ADAM2: variants seen among roughly 807,000 people sequenced by gnomAD.
ADAM2 encodes the protein ADAM metallopeptidase domain 2.
In ADAM2, 101 loss-of-function variants were observed where a neutral mutation model predicts 99.3. The ratio of observed to expected loss-of-function variants is 1.02; its 90% CI spans 0.87 to 1.20. The LOEUF is 1.20. ADAM2 is among the 50% of genes most tolerant of loss of function. ADAM2 has a pLI of 0.00. For synonymous variants in ADAM2, 323 were observed against 287.6 expected (o/e 1.12, Z -1.25); for missense variants, 948 against 878.7 (o/e 1.08, Z -1.00).
At chr8:39,769,610 G>T (rs1177130172) in intron 11 of ADAM2, 35 bp from the exon 12 acceptor site, 5 of 1,497,384 alleles carry the variant, frequency 3.3e-6, no homozygotes, top group Non-Finnish European at 3.7e-6. Context: ...TTTAATGTAA[G>T]GGTTTCCATA....
chr8:39,825,311 T>C (rs1459422595), intron 3 of ADAM2, among the ~76,000 whole-genome samples: 1 of 152,210 alleles, frequency 6.6e-6, no homozygotes, highest in East Asian at 1.9e-4. Context: ...TAAACCATAC[T>C]CTAAATTTGC....
At chr8:39,788,550 A>T in intron 8 of ADAM2, 119 bp downstream of exon 8, 2 of 682,064 alleles carry the variant, frequency 2.9e-6, no homozygotes, top group Non-Finnish European at 4.6e-6. Context: ...TAAAATTTAA[A>T]ATAAAACTTA....
At chr8:39,774,104 A>T (rs1266439092) in intron 11 of ADAM2, among the ~76,000 whole-genome samples, 1 of 152,000 alleles carries the variant, frequency 6.6e-6, no homozygotes. Context: ...ACACATGAGC[A>T]TCTCAATATT....
chr8:39,744,965 A>G (rs1465713018), intron 19 of ADAM2, 72 bp from the exon 20 acceptor site: 2 of 1,263,814 alleles, frequency 1.6e-6, no homozygotes, highest in Non-Finnish European at 2.2e-6. Context: ...ATTATCTGTC[A>G]GTCTTGAAAC....
chr8:39,752,371 G>A (rs1801983406), intron 16 of ADAM2, among the ~76,000 whole-genome samples: 1 of 152,194 alleles, frequency 6.6e-6, no homozygotes, highest in South Asian at 2.1e-4. Context: ...ACAGCAACCA[G>A]TAAAATACTG....
chr8:39,750,901 T>C (rs989872931), intron 16 of ADAM2, among the ~76,000 whole-genome samples: 1 of 152,208 alleles, frequency 6.6e-6, no homozygotes, highest in Non-Finnish European at 1.5e-5. Flanking sequence ...TCAAAGCGAC[T>C]AATGGTAAGC....
chr8:39,748,559 T>G (rs1349647190), intron 18 of ADAM2, among the ~76,000 whole-genome samples: 1 of 152,184 alleles, frequency 6.6e-6, no homozygotes, highest in Admixed American at 6.5e-5. Context: ...ATTTAGATTT[T>G]TATATCAAAG....
intron 5 of ADAM2, 127 bp from the exon 6 acceptor site, chr8:39,821,297 AG>A (rs1166842903): frequency 1.4e-6 from 1 of 708,570 alleles, no homozygotes; most frequent in African/African-American, 1.8e-5. Flanking sequence ...GTGATAAAAT[AG>A]GAGAAAGTTA....
chr8:39,785,165 G>T (rs192150609), intron 10 of ADAM2, among the ~76,000 whole-genome samples: 6 of 152,288 alleles, frequency 3.9e-5, no homozygotes, highest in Admixed American at 2.0e-4. Flanking sequence ...TCTTCTTCTA[G>T]AACCCCTTAT....
intron 6 of ADAM2, among the ~76,000 whole-genome samples, chr8:39,819,085 A>G (rs549875662): frequency 6.6e-6 from 1 of 152,190 alleles, no homozygotes; most frequent in African/African-American, 2.4e-5. Context: ...ATAATCTTGG[A>G]AAATAAGAAT....
At chr8:39,799,981 T>C (rs1804134126) in intron 7 of ADAM2, among the ~76,000 whole-genome samples, 1 of 152,242 alleles carries the variant, frequency 6.6e-6, no homozygotes, top group Admixed American at 6.5e-5. Flanking sequence ...CCTTATCCAA[T>C]TTGCCAGCTT....
intron 12 of ADAM2, among the ~76,000 whole-genome samples, chr8:39,768,601 A>G (rs746103866): frequency 2.0e-5 from 3 of 152,154 alleles, no homozygotes; most frequent in Non-Finnish European, 2.9e-5. Context: ...TGTACTCCCT[A>G]GGTTTTCTGG....
At chr8:39,822,715 A>T (rs2129588303) in intron 4 of ADAM2, among the ~76,000 whole-genome samples, 1 of 150,882 alleles carries the variant, frequency 6.6e-6, no homozygotes, top group East Asian at 1.9e-4. Context: ...TCCGTCAATT[A>T]TGCCTTCCAT....
At chr8:39,798,513 GTCTCT>G (rs1462969048) in intron 7 of ADAM2, among the ~76,000 whole-genome samples, 2 of 152,032 alleles carry the variant, frequency 1.3e-5, no homozygotes, top group Non-Finnish European at 2.9e-5. Context: ...TTTTTGTTGT[GTCTCT>G]TCCTGGTTTT....
rs573205831 is a variant in ADAM2, at chr8:39,786,954, T to C, written c.891+20A>G. ...ATACTAATTTATGTAGCATACTTTC[T>C]ATACATAACCATACCATACCAGAAC... On this transcript the variant is annotated intron_variant, in intron 10 of 20. Coordinates refer to ENST00000265708, the MANE Select transcript of ADAM2 (RefSeq NM_001464.5). 18 of 1,528,130 alleles carry C rather than the reference T, an allele frequency of 1.2e-5. No individual in the cohort carries two copies. In the African/African-American group the frequency reaches 1.8e-4, roughly 15 times the overall value. 94.7% of individuals were successfully genotyped at this position (1,528,130 alleles called of 1,614,324 possible).
chr8:39,760,952 G>A (rs910002000), intron 15 of ADAM2, among the ~76,000 whole-genome samples: 4 of 149,824 alleles, frequency 2.7e-5, no homozygotes, highest in Non-Finnish European at 5.9e-5. Flanking sequence ...TTACTGATGG[G>A]TAATTAATGT....
At position 39,788,133 on chromosome 8, in the gene ADAM2, T is replaced by C; in HGVS notation, c.761A>G (p.Lys254Arg). 2.5e-6 allele frequency: 4 copies of C among 1,579,034 alleles called. No individual in the cohort carries two copies. The highest frequency in any genetic ancestry group is 3.4e-6 in the Non-Finnish European group (4 of 1,164,306). The change falls in exon 9 of 21, where the codon AAA (lysine) becomes AGA (arginine). Residue 254 changes from lysine to arginine, a missense_variant. Transcript: ENST00000265708. Reference protein sequence around the residue: ...NELLHTFLRWKTSYLVLRPHD... With the variant: ...NELLHTFLRWRTSYLVLRPHD... ...AGGACGTAAAACAAGATAAGATGTT[T>C]TCCATCTTAAAAATGTGTGTAATAA...
chr8:39,834,732 CAAAAAAAAAAAA>C (rs79431764), intron 2 of ADAM2, among the ~76,000 whole-genome samples: 1 of 52,962 alleles, frequency 1.9e-5, no homozygotes, highest in Non-Finnish European at 3.3e-5. Flanking sequence ...AAGACTCCAT[CAAAAAAAAAAAA>C]AAAAAAAAAA....
At position 39,787,697 on chromosome 8, in the gene ADAM2, G is replaced by A. The variant is rs149748082; in HGVS notation, c.809+388C>T. On this transcript the variant is annotated intron_variant, in intron 9 of 20. Transcript: ENST00000265708. The stretch of plus-strand genomic sequence containing the variant: ...GATATATTAGAGATATTAAAACATA[G>A]TGTTTCAATTACTTTGCTTACTTTT... 8.6e-5 allele frequency among the ~76,000 whole-genome samples: 13 copies of A among 151,648 alleles called. 1 individual carries two copies. The highest frequency in any genetic ancestry group is 3.1e-4 in the African/African-American group (13 of 41,460).
Sources: gnomAD v4.1 joint callset for allele counts (sites outside exome capture counted in the v4.1 genomes callset) on GRCh38, gnomAD v4.1.1 for gene constraint, MANE v1.5 for transcripts, NCBI Gene and HGNC (gene_info 2026-07-23, HGNC 2026-07-21) for gene names.